The following HOMEZ variants were observed in gnomAD, a reference collection of about 807,000 sequenced individuals.
HOMEZ encodes homeobox and leucine zipper protein Homez.
In HOMEZ, 20 loss-of-function variants were observed where a neutral mutation model predicts 50.1. The observed-to-expected ratio is 0.40, with a 90% CI of 0.28 to 0.58. The LOEUF is 0.58. Ranked by LOEUF, HOMEZ falls within the 20% of genes least tolerant of loss-of-function variation. The pLI is 0.46. For synonymous variants in HOMEZ, 239 were observed against 254.7 expected (o/e 0.94, Z 0.59); for missense variants, 579 against 680.5 (o/e 0.85, Z 1.66).
chr14:23,279,528 G>C (rs1178907434), intron 1 of HOMEZ, among the ~76,000 whole-genome samples: 1 of 152,176 alleles, frequency 6.6e-6, no homozygotes, highest in Non-Finnish European at 1.5e-5. Context: ...GAATGAGTCA[G>C]GGCAGAGCAG....
rs770722536 is a variant in HOMEZ, at chr14:23,275,612, TCATCTTCC to T, written c.1608_1615del (p.Glu537Ter). On this transcript the variant is annotated frameshift_variant, in exon 2 of 2. Transcript: ENST00000357460. LOFTEE classifies it high-confidence loss of function. The stretch of plus-strand genomic sequence containing the variant: ...GATCACATCATCATCATCATCATCA[TCATCTTCC>T]TCCTCCTCCTCCTCCTCTTCCTCAT... 1.3e-4 allele frequency: 202 copies of T among 1,528,122 alleles called. No individual in the cohort carries two copies. The East Asian group carries it at 2.6e-3, about 20-fold the overall frequency. 94.7% of individuals were successfully genotyped at this position (1,528,122 alleles called of 1,614,324 possible). A position where few individuals can be genotyped will look rare whatever the true frequency, so the allele number is the denominator to read the frequency against.
intron 1 of HOMEZ, among the ~76,000 whole-genome samples, chr14:23,281,141 G>A (rs963396408): frequency 3.9e-5 from 6 of 152,104 alleles, no homozygotes; most frequent in Admixed American, 1.3e-4. Flanking sequence ...AATGCTACAC[G>A]ATGAATTGCA....
Position 23,275,757 on chromosome 14 carries a change from T to A in HOMEZ, c.1471A>T (p.Ser491Cys). ...IPQLSQASRL[S>C]TQQVLDWFDS... ...AACCAATCCAGCACCTGCTGGGTGCTAAGCCTTGATGCCTGACTCAATTGA... is the reference window on the plus strand; with the variant it reads ...AACCAATCCAGCACCTGCTGGGTGCAAAGCCTTGATGCCTGACTCAATTGA... The change falls in exon 2 of 2, where the codon AGC (serine) becomes TGC (cysteine). Residue 491 changes from serine (S) to cysteine (C), a missense_variant. Transcript: ENST00000357460. 1 of 1,613,856 alleles carries A rather than the reference T, an allele frequency of 6.2e-7. No homozygotes were observed. The highest frequency in any genetic ancestry group is 8.5e-7 in the Non-Finnish European group (1 of 1,179,826).
intron 1 of HOMEZ, among the ~76,000 whole-genome samples, chr14:23,280,754 T>TTTTATTTTATTTTATTTTATTTTA (rs1886524832): frequency 2.1e-5 from 2 of 93,356 alleles, no homozygotes; most frequent in African/African-American, 7.8e-5. Flanking sequence ...TTTTATTTTA[T>TTTTATTTTATTTTATTTTATTTTA]TTTATTTTAT....
intron 1 of HOMEZ, among the ~76,000 whole-genome samples, chr14:23,280,991 G>C (rs1375422347): frequency 6.6e-6 from 1 of 151,368 alleles, no homozygotes; most frequent in Non-Finnish European, 1.5e-5. Flanking sequence ...GGATGGTCTT[G>C]ATCTCCTGAC....
rs1594967911 is a variant in HOMEZ, at chr14:23,286,120, A to G, written c.-168T>C. The stretch of plus-strand genomic sequence containing the variant: ...ACCCAGCCCTGCTCGAGCAAGTTGG[A>G]GGCGGGGCGGATGGGTGGGGTGGGC... On this transcript the variant is annotated 5_prime_UTR_variant, in exon 1 of 2. Transcript: ENST00000357460. 2 of 1,228,514 alleles carry G rather than the reference A, an allele frequency of 1.6e-6. No homozygotes were observed. Among genetic ancestry groups the G allele is most frequent in the Non-Finnish European group, 2.0e-6 (2 of 986,026 alleles). 76.1% of individuals were successfully genotyped at this position (1,228,514 alleles called of 1,614,324 possible).
At position 23,277,129 on chromosome 14, in the gene HOMEZ, A is replaced by G. The variant is rs551946994; in HGVS notation, c.99T>C (p.Gly33=). The G allele has an allele frequency of 6.2e-6, 10 of 1,612,900 alleles. No homozygotes were observed. The African/African-American group carries it at 9.3e-5, about 15-fold the overall frequency. The change falls in exon 2 of 2, where the codon GGT becomes GGC. Residue 33 remains glycine, a synonymous_variant. Transcript: ENST00000357460. ...TGAGCCCCGCTGGTGAACTACTGAG[A>G]CCGCTGGCCTCTTTATTAGGAGGCA... ...GTMPPNKEAS[G]LSSSPAGLIC...
In HOMEZ at chr14:23,275,674, TTCC is replaced by T; in HGVS notation, c.1551_1553del (p.Glu523del). The T allele has an allele frequency of 1.3e-6, 2 of 1,583,346 alleles. No homozygotes were observed. The highest frequency in any genetic ancestry group is 1.7e-4 in the Middle Eastern group (1 of 6,032). On this transcript the variant is annotated inframe_deletion, in exon 2 of 2. Transcript: ENST00000357460. ...CTTCTGGCAGTTCTTCCTCCTCCTC[TTCC>T]TCTTCTTCATCTAGACAAACTACCA...
Position 23,275,470 on chromosome 14 carries a change from A to T in HOMEZ, c.*105T>A, listed in dbSNP as rs1046457068. On this transcript the variant is annotated 3_prime_UTR_variant, in exon 2 of 2. Transcript: ENST00000357460. ...CACCCTGAAGAACACAAAGCTTTTT[A>T]GTTCTCTGCCACAAGGTAATTTTAA... 8.5e-6 allele frequency: 12 copies of T among 1,410,088 alleles called. 1 individual carries two copies. In the African/African-American group the frequency reaches 1.6e-4, roughly 19 times the overall value. The allele number at this position is 1,410,088 out of a possible 1,614,324, so 87.3% of individuals were successfully genotyped here.
chr14:23,286,079 G>C lies in HOMEZ; in HGVS notation c.-127C>G. ...CGGGACTGCCCCCCCCACCGTCCCCGGGAGCGCGCCGGTCTACCCAGCCCT... is the reference window on the plus strand; with the variant it reads ...CGGGACTGCCCCCCCCACCGTCCCCCGGAGCGCGCCGGTCTACCCAGCCCT... On this transcript the variant is annotated 5_prime_UTR_variant, in exon 1 of 2. Transcript: ENST00000357460. 1.2e-5 allele frequency: 15 copies of C among 1,230,660 alleles called. No individual in the cohort carries two copies. Among genetic ancestry groups the C allele is most frequent in the Non-Finnish European group, 1.5e-5 (15 of 987,174 alleles). The allele number at this position is 1,230,660 out of a possible 1,614,324, so 76.2% of individuals were successfully genotyped here. A position where few individuals can be genotyped will look rare whatever the true frequency, so the allele number is the denominator to read the frequency against.
At chr14:23,285,691 A>T (rs2140511102) in intron 1 of HOMEZ, 1 of 396,118 alleles carries the variant, frequency 2.5e-6, no homozygotes, top group Admixed American at 4.4e-5. Flanking sequence ...TACTCTCGCC[A>T]AGGGCGCCCC....
Position 23,272,936 on chromosome 14 carries a change from T to G in HOMEZ, c.*2639A>C. On this transcript the variant is annotated 3_prime_UTR_variant, in exon 2 of 2. Transcript: ENST00000357460. The stretch of plus-strand genomic sequence containing the variant: ...CTATACATGCTGCTGAAGGATGGAC[T>G]GTAGCTTCCAGTACGCATTAGGGGT... The G allele has an allele frequency of 3.4e-6, 4 of 1,190,718 alleles. No individual in the cohort carries two copies. Among genetic ancestry groups the G allele is most frequent in the Non-Finnish European group, 4.7e-6 (4 of 845,772 alleles). 73.8% of individuals were successfully genotyped at this position (1,190,718 alleles called of 1,614,324 possible).
At position 23,276,500 on chromosome 14, in the gene HOMEZ, A is replaced by T. The variant is rs1344856107; in HGVS notation, c.728T>A (p.Ile243Lys). The change falls in exon 2 of 2, where the codon ATA becomes AAA. Residue 243 changes from isoleucine (I) to lysine (K), a missense_variant. Ile to Lys is a moderately radical substitution (Grantham distance 102, BLOSUM62 -3). Transcript: ENST00000357460. The surrounding 1 kb of genome is among the most constrained non-coding windows in gnomAD (Gnocchi z 4.1). The part of the protein sequence containing the change: ...AGRGPNQSHG[I>K]GTASWNHSTT... ...GGAGTGGTTCCAGGAAGCAGTACCT[A>T]TGCCATGTGACTGGTTGGGACCCCT... The T allele has an allele frequency of 6.2e-7, 1 of 1,614,030 alleles. No homozygotes were observed. Among genetic ancestry groups the T allele is most frequent in the Middle Eastern group, 1.6e-4 (1 of 6,062 alleles).
Position 23,276,035 on chromosome 14 carries a change from G to A in HOMEZ, c.1193C>T (p.Pro398Leu). The A allele has an allele frequency of 6.2e-7, 1 of 1,613,862 alleles. No individual in the cohort carries two copies. The highest frequency in any genetic ancestry group is 8.5e-7 in the Non-Finnish European group (1 of 1,179,808). ...GTCACCAAACCACTGAATGATCTCAGGCCGAGGTAAACCAGTGATCTGTTC... is the reference window on the plus strand; with the variant it reads ...GTCACCAAACCACTGAATGATCTCAAGCCGAGGTAAACCAGTGATCTGTTC... ...KLEQITGLPR[P>L]EIIQWFGDTR... The change falls in exon 2 of 2, where the codon CCT (proline) becomes CTT (leucine). Residue 398 changes from proline (P) to leucine (L), a missense_variant. Pro to Leu is a moderately conservative substitution (Grantham distance 98, BLOSUM62 -3). Coordinates refer to ENST00000357460, the MANE Select transcript of HOMEZ (RefSeq NM_020834.3). This position sits in a 1 kb window ranked among gnomAD's most constrained non-coding sequence, Gnocchi z 4.1.
intron 1 of HOMEZ, among the ~76,000 whole-genome samples, chr14:23,283,341 A>G (rs1245310327): frequency 6.6e-6 from 1 of 152,066 alleles, no homozygotes; most frequent in Non-Finnish European, 1.5e-5. Flanking sequence ...ATTCAAGACT[A>G]GCCTGGGCAA....
rs1555323619 is a variant in HOMEZ at position 23,280,742 on chromosome 14, T to TTTATTTTA, written c.41-3556_41-3555insTAAAATAA. On this transcript the variant is annotated intron_variant, in intron 1 of 1. Transcript: ENST00000357460. Reference sequence around the variant, plus strand: ...TTTATTTTATTTTATTTTATTTTATTATTTTATTTTATTTTATTTTATTTT... The same window carrying TTTATTTTA: ...TTTATTTTATTTTATTTTATTTTATTTTATTTTAATTTTATTTTATTTTATTTTATTTT... 2.6e-4 allele frequency among the ~76,000 whole-genome samples: 19 copies of TTTATTTTA among 74,266 alleles called. 3 individuals are homozygous for TTTATTTTA. The highest frequency in any genetic ancestry group is 9.6e-4 in the African/African-American group (19 of 19,788). 48.7% of individuals were successfully genotyped at this position (74,266 alleles called of 152,430 possible). A position where few individuals can be genotyped will look rare whatever the true frequency, so the allele number is the denominator to read the frequency against.
rs1886211521 is a variant in HOMEZ at position 23,272,826 on chromosome 14, C to T, written c.*2749G>A. The T allele has an allele frequency of 1.9e-6, 3 of 1,547,992 alleles. No homozygotes were observed. The highest frequency in any genetic ancestry group is 2.6e-6 in the Non-Finnish European group (3 of 1,145,016). On this transcript the variant is annotated 3_prime_UTR_variant, in exon 2 of 2. Transcript: ENST00000357460. ...ACCTTCTTGTCCTCTGCTGCAGACT[C>T]TCTACCAACAACGGAGGCATATGGG...
intron 1 of HOMEZ, among the ~76,000 whole-genome samples, chr14:23,283,911 A>C (rs1264344572): frequency 6.6e-6 from 1 of 152,116 alleles, no homozygotes; most frequent in South Asian, 2.1e-4. Flanking sequence ...ATAAATAAAT[A>C]AAAGTGGGAG....
In HOMEZ at chr14:23,280,710, T is replaced by TTTTTA. The variant is rs1310956438; in HGVS notation, c.41-3528_41-3524dup. ...TTTTATTTTTATTTTTATATTTTTATTTTTATTTTATTTTATTTTATTTTA... is the reference window on the plus strand; with the variant it reads ...TTTTATTTTTATTTTTATATTTTTATTTTTATTTTATTTTATTTTATTTTATTTTA... On this transcript the variant is annotated intron_variant, in intron 1 of 1. Coordinates refer to ENST00000357460, the MANE Select transcript of HOMEZ (RefSeq NM_020834.3). Among the ~76,000 whole-genome samples the TTTTTA allele has an allele frequency of 7.2e-3, 444 of 62,070 alleles. 71 individuals are homozygous for TTTTTA. Among genetic ancestry groups the TTTTTA allele is most frequent in the South Asian group, 0.02 (42 of 2,110 alleles). The allele number at this position is 62,070 out of a possible 152,430, so 40.7% of individuals were successfully genotyped here. A position where few individuals can be genotyped will look rare whatever the true frequency, so the allele number is the denominator to read the frequency against.
Sources: allele counts gnomAD v4.1 joint callset (sites outside exome capture counted in the v4.1 genomes callset), GRCh38; gene constraint gnomAD v4.1.1; non-coding constraint Gnocchi (gnomAD v3.1); transcripts MANE v1.5; gene names NCBI Gene and HGNC (gene_info 2026-07-23, HGNC 2026-07-21).